Variants in RABEP2 observed in about 807,000 individuals in gnomAD.
RABEP2 encodes rab GTPase-binding effector protein 2.
Under a neutral mutation model 74.1 loss-of-function variants are expected in RABEP2, and 57 were observed. That is an observed-to-expected ratio of 0.77 (90% confidence interval 0.62 to 0.96). The LOEUF is 0.96. Ranked by LOEUF, RABEP2 falls within the 40% of genes least tolerant of loss-of-function variation. RABEP2 has a pLI of 0.00. For synonymous variants in RABEP2, 351 were observed against 344.0 expected, an observed-to-expected ratio of 1.02 and a Z score of -0.23; for missense variants, 692 against 756.3, an observed-to-expected ratio of 0.91 and a Z score of 1.00.
intron 2 of RABEP2, among the ~76,000 whole-genome samples, chr16:28,922,274 T>C (rs918295888): frequency 1.3e-5 from 2 of 152,210 alleles, no homozygotes; most frequent in Admixed American, 6.5e-5. Context: ...CCTATTATTG[T>C]GCACTAACAG....
At chr16:28,907,077 G>C (rs1964246005) in intron 8 of RABEP2, among the ~76,000 whole-genome samples, 1 of 151,776 alleles carries the variant, frequency 6.6e-6, no homozygotes, top group Non-Finnish European at 1.5e-5. Flanking sequence ...GCAGAGCCAA[G>C]GAATGGGGAG....
In RABEP2 at chr16:28,919,946, G is replaced by A; in HGVS notation, c.275-3C>T. The A allele has an allele frequency of 6.3e-7, 1 of 1,584,066 alleles. No homozygotes were observed. The highest frequency in any genetic ancestry group is 8.6e-7 in the Non-Finnish European group (1 of 1,159,158). On this transcript the variant is annotated splice_region_variant and splice_polypyrimidine_tract_variant and intron_variant, in intron 2 of 12. Coordinates refer to ENST00000358201, the MANE Select transcript of RABEP2 (RefSeq NM_024816.3). The stretch of plus-strand genomic sequence containing the variant: ...GGCTTCATAGCTGCTGATGGAGTCT[G>A]GTGGGGGAGAGGGAGGGTGGGAGAG...
In RABEP2 at chr16:28,924,409, G is replaced by A. The variant is rs556096916; in HGVS notation, c.268C>T (p.Leu90=). ...QEEVASLQAI[L]KDSISSYEAQ... is the part of the protein sequence containing the mutation. ...GGTGAGTCCCGCGTCTCACCTTTCA[G>A]GATGGCCTGCAGCGAGGCCACCTCC... Residue 90 remains leucine, a synonymous_variant, in exon 2 of 13, where the codon CTG becomes TTG. Coordinates refer to ENST00000358201, the MANE Select transcript of RABEP2 (RefSeq NM_024816.3). 1.9e-6 allele frequency: 3 copies of A among 1,612,112 alleles called. No homozygotes were observed. The highest frequency in any genetic ancestry group is 2.2e-5 in the East Asian group (1 of 44,868).
At chr16:28,924,293 G>T in intron 2 of RABEP2, 110 bp downstream of exon 2, 1 of 1,112,918 alleles carries the variant, frequency 9.0e-7, no homozygotes, top group Non-Finnish European at 1.3e-6. Flanking sequence ...CCCTGTGCCA[G>T]GCAGCCCTGC....
chr16:28,911,244 G>C, intron 5 of RABEP2, 65 bp from the exon 6 acceptor site: 1 of 1,478,074 alleles, frequency 6.8e-7, no homozygotes. Context: ...CACACTTCTC[G>C]TGGCCCACCT....
intron 2 of RABEP2, among the ~76,000 whole-genome samples, 156 bp from the exon 3 acceptor site, chr16:28,920,099 C>T (rs1390163501): frequency 6.6e-6 from 1 of 152,114 alleles, no homozygotes; most frequent in Non-Finnish European, 1.5e-5. Flanking sequence ...CCTGGGCAAT[C>T]ACTCAGCCTC....
At chr16:28,906,773 A>T (rs897800675) in intron 8 of RABEP2, among the ~76,000 whole-genome samples, 1 of 151,844 alleles carries the variant, frequency 6.6e-6, no homozygotes, top group Admixed American at 6.6e-5. Flanking sequence ...TCAAACAGAA[A>T]CAAAAACAAA....
At chr16:28,910,769 G>A in intron 7 of RABEP2, 119 bp downstream of exon 7, 2 of 881,870 alleles carry the variant, frequency 2.3e-6, no homozygotes, top group Non-Finnish European at 3.5e-6. Flanking sequence ...TCCAGGGTGT[G>A]GCCTGAGCAG....
At chr16:28,908,893 CAAGG>C in intron 7 of RABEP2, 129 bp from the exon 8 acceptor site, 1 of 1,011,716 alleles carries the variant, frequency 9.9e-7, no homozygotes, top group South Asian at 1.7e-5. Context: ...TGTTCCTAAG[CAAGG>C]AAGGAGCACT....
chr16:28,912,397 T>G lies in RABEP2; in HGVS notation c.895-1218A>C, dbSNP rs182279026. ...CCCCAACACAGCCCCAAGTAAGCTT[T>G]CTTTCTTTCTTTTTTTTTTTTTTTT... On this transcript the variant is annotated intron_variant, in intron 5 of 12. Transcript: ENST00000358201. Among the ~76,000 whole-genome samples the G allele has an allele frequency of 1.4e-3, 186 of 129,644 alleles. 1 individual carries two copies. Among genetic ancestry groups the G allele is most frequent in the African/African-American group, 4.8e-3 (180 of 37,614 alleles). 85.1% of individuals were successfully genotyped at this position (129,644 alleles called of 152,430 possible).
chr16:28,918,213 G>A (rs1468793877), intron 3 of RABEP2, among the ~76,000 whole-genome samples: 1 of 151,614 alleles, frequency 6.6e-6, no homozygotes, highest in African/African-American at 2.4e-5. Flanking sequence ...CCGAGTAGCT[G>A]GGACTACAGG....
chr16:28,924,069 G>C (rs1230106178), intron 2 of RABEP2: 1 of 357,136 alleles, frequency 2.8e-6, no homozygotes, highest in African/African-American at 2.1e-5. Context: ...CAGAAGTCCA[G>C]ACTAAAATGA....
At chr16:28,918,680 G>T (rs528930223) in intron 3 of RABEP2, among the ~76,000 whole-genome samples, 58 of 151,804 alleles carry the variant, frequency 3.8e-4, no homozygotes, top group Non-Finnish European at 8.2e-4. Context: ...AAGAGACAGG[G>T]TCTTACTCTG....
chr16:28,921,964 C>CAAAAAACA (rs1214182454), intron 2 of RABEP2, among the ~76,000 whole-genome samples: 2 of 151,348 alleles, frequency 1.3e-5, no homozygotes, highest in Admixed American at 1.3e-4. Context: ...GACTCCGTCT[C>CAAAAAACA]AAAAAACAAA....
At chr16:28,919,694 G>A (rs1416999748) in intron 3 of RABEP2, 92 bp downstream of exon 3, 9 of 1,410,198 alleles carry the variant, frequency 6.4e-6, no homozygotes, top group African/African-American at 1.4e-5. Flanking sequence ...ACTGCTGGGT[G>A]CCCCGCACCC....
chr16:28,919,624 T>TA (rs1964441763), intron 3 of RABEP2, 162 bp downstream of exon 3: 2 of 753,008 alleles, frequency 2.7e-6, no homozygotes, highest in Admixed American at 6.1e-5. Context: ...GCCAGGACCC[T>TA]ACGGAGCACA....
chr16:28,910,910 T>C lies in RABEP2; in HGVS notation c.1067A>G (p.Gln356Arg). 1.2e-6 allele frequency: 2 copies of C among 1,612,618 alleles called. No individual in the cohort carries two copies. The highest frequency in any genetic ancestry group is 1.7e-4 in the Middle Eastern group (1 of 6,056). The part of the protein sequence containing the change: ...RTLQGTVSQA[Q>R]ERVQLQMAEL... The stretch of plus-strand genomic sequence containing the variant: ...CACCATCTGCAGCTGCACCCGCTCC[T>C]GGGCCTGGCTCACGGTCCCTTGCAG... Residue 356 changes from glutamine (Q) to arginine (R), a missense_variant, in exon 7 of 13, where the codon CAG becomes CGG. Physicochemically the swap from Gln to Arg is conservative, Grantham distance 43 (BLOSUM62 1). Transcript: ENST00000358201.
chr16:28,925,133 C>G lies in RABEP2; in HGVS notation c.31G>C (p.Asp11His). Reference sequence around the variant, plus strand: ...CCCGGCCGCCGCCGCCGCTCATCGTCGTCCGCGGCCACCGGCGCAGCTGCC... The same window carrying G: ...CCCGGCCGCCGCCGCCGCTCATCGTGGTCCGCGGCCACCGGCGCAGCTGCC... Reference protein sequence around the residue: MAAAAPVAADDDERRRRPGAA... With the variant: MAAAAPVAADHDERRRRPGAA... Residue 11 changes from aspartate to histidine, a missense_variant, in exon 1 of 13, where the codon GAC (aspartate) becomes CAC (histidine). Physicochemically the swap from Asp to His is moderately conservative, Grantham distance 81 (BLOSUM62 -1). Coordinates refer to ENST00000358201, the MANE Select transcript of RABEP2 (RefSeq NM_024816.3). The G allele has an allele frequency of 6.5e-7, 1 of 1,534,380 alleles. No individual in the cohort carries two copies. The highest frequency in any genetic ancestry group is 8.7e-7 in the Non-Finnish European group (1 of 1,146,606).
Position 28,906,063 on chromosome 16 carries a change from C to T in RABEP2, c.1379G>A (p.Arg460Lys). The change falls in exon 9 of 13, where the codon AGG becomes AAG. Residue 460 changes from arginine (R) to lysine (K), a missense_variant. Arg to Lys is a conservative substitution (Grantham distance 26, BLOSUM62 2). Transcript: ENST00000358201. ...CCTCAGCTGCCCCTCCAGGCTGGCC[C>T]TGGCCACTGTCTCCTCCTCCAGAGC... ...REALEEETVA[R>K]ASLEGQLRVQ... is the part of the protein sequence containing the mutation. 6.2e-7 allele frequency: 1 copy of T among 1,600,650 alleles called. No homozygotes were observed. The highest frequency in any genetic ancestry group is 1.1e-5 in the South Asian group (1 of 89,662).
Sources: gnomAD v4.1 joint callset for allele counts (sites outside exome capture counted in the v4.1 genomes callset) on GRCh38, gnomAD v4.1.1 for gene constraint, MANE v1.5 for transcripts, NCBI Gene and HGNC (gene_info 2026-07-23, HGNC 2026-07-21) for gene names.